Variants in STAP1 observed in about 807,000 individuals in gnomAD.
STAP1 encodes signal transducing adaptor family member 1, also known as signal-transducing adaptor protein 1.
STAP1 carries 30 observed loss-of-function variants against 37.8 expected under a neutral mutation model. The observed-to-expected ratio is 0.79, with a 90% CI of 0.59 to 1.08. STAP1 has a LOEUF of 1.08. STAP1 is among the 50% of genes least tolerant of loss of function. The pLI, the probability that STAP1 is intolerant of heterozygous loss-of-function variation, is 0.00. For synonymous variants in STAP1, 130 were observed against 116.0 expected (o/e 1.12, Z -0.78); for missense variants, 357 against 349.4 (o/e 1.02, Z -0.17).
intron 3 of STAP1, among the ~76,000 whole-genome samples, chr4:67,576,067 T>A (rs998437728): frequency 6.6e-6 from 1 of 152,194 alleles, no homozygotes; most frequent in African/African-American, 2.4e-5. Context: ...TGGGCTGTTT[T>A]ATTAGTTATT....
chr4:67,575,075 C>T (rs1372377510), intron 2 of STAP1, among the ~76,000 whole-genome samples: 2 of 151,940 alleles, frequency 1.3e-5, no homozygotes, highest in South Asian at 2.1e-4. Flanking sequence ...GTTTTAATTA[C>T]CTTTGCTTTG....
intron 8 of STAP1, among the ~76,000 whole-genome samples, chr4:67,595,869 A>G (rs1462977677): frequency 6.6e-6 from 1 of 152,242 alleles, no homozygotes; most frequent in Non-Finnish European, 1.5e-5. Flanking sequence ...AAGAACTGAC[A>G]TCATAATATT....
chr4:67,578,670 C>A (rs1478280783), intron 4 of STAP1, among the ~76,000 whole-genome samples: 3 of 152,046 alleles, frequency 2.0e-5, no homozygotes, highest in African/African-American at 7.2e-5. Context: ...AAAACTCTGG[C>A]AAAAACTTTT....
chr4:67,560,252 A>T (rs538870652), intron 1 of STAP1, among the ~76,000 whole-genome samples: 1 of 152,304 alleles, frequency 6.6e-6, no homozygotes, highest in South Asian at 2.1e-4. Flanking sequence ...TGGTTTTGCC[A>T]CTTATAGCTT....
intron 6 of STAP1, among the ~76,000 whole-genome samples, chr4:67,587,646 T>A (rs1728013260): frequency 6.6e-6 from 1 of 151,994 alleles, no homozygotes; most frequent in Non-Finnish European, 1.5e-5. Flanking sequence ...CTTTATTTCT[T>A]TGCAAAAATG....
At chr4:67,560,637 T>TGTGGGGGG (rs761876685) in intron 1 of STAP1, among the ~76,000 whole-genome samples, 197 of 62,724 alleles carry the variant, frequency 3.1e-3, no homozygotes, top group East Asian at 0.014. Context: ...TATCTTTGTG[T>TGTGGGGGG]GTGTGGGTGT....
At chr4:67,603,185 G>A (rs188729508) in intron 8 of STAP1, among the ~76,000 whole-genome samples, 36 of 152,204 alleles carry the variant, frequency 2.4e-4, no homozygotes, top group East Asian at 3.9e-4. Flanking sequence ...AGTACTGCCC[G>A]GCTACCACTG....
chr4:67,606,534 A>C lies in STAP1; in HGVS notation c.*177A>C. ...CAATTTCATTATCTTATCAGAATGA[A>C]ACCAATTCACAGGGAAACTAGAGAC... is the stretch of plus-strand genomic sequence containing the variant. On this transcript the variant is annotated 3_prime_UTR_variant, in exon 9 of 9. Transcript: ENST00000265404. The C allele has an allele frequency of 1.7e-6, 1 of 576,720 alleles. No individual in the cohort carries two copies. The highest frequency in any genetic ancestry group is 2.9e-6 in the Non-Finnish European group (1 of 341,798). 35.7% of individuals were successfully genotyped at this position (576,720 alleles called of 1,614,324 possible). A position where few individuals can be genotyped will look rare whatever the true frequency, so the allele number is the denominator to read the frequency against.
At chr4:67,589,413 A>G (rs1221317156) in intron 6 of STAP1, among the ~76,000 whole-genome samples, 1 of 152,136 alleles carries the variant, frequency 6.6e-6, no homozygotes, top group African/African-American at 2.4e-5. Flanking sequence ...TCCAATTGAG[A>G]GGTGATTTGG....
intron 4 of STAP1, among the ~76,000 whole-genome samples, chr4:67,579,349 C>A (rs983592177): frequency 2.6e-5 from 4 of 152,134 alleles, no homozygotes. Context: ...ATCAAATAAA[C>A]CCCAGTTTGG....
At chr4:67,567,119 G>A (rs565119168) in intron 1 of STAP1, among the ~76,000 whole-genome samples, 1 of 152,162 alleles carries the variant, frequency 6.6e-6, no homozygotes, top group Non-Finnish European at 1.5e-5. Flanking sequence ...TTTGGATGGG[G>A]TTGAAATTAA....
chr4:67,560,901 G>A (rs1191408028), intron 1 of STAP1, among the ~76,000 whole-genome samples: 2 of 150,460 alleles, frequency 1.3e-5, no homozygotes, highest in South Asian at 2.1e-4. Context: ...TGCCCACCTT[G>A]GCCTCCCAAT....
chr4:67,579,847 A>G (rs1560460776), intron 4 of STAP1, among the ~76,000 whole-genome samples: 1 of 152,074 alleles, frequency 6.6e-6, no homozygotes, highest in Non-Finnish European at 1.5e-5. Flanking sequence ...CTATGTCACC[A>G]TTTGTAAATT....
At chr4:67,566,018 T>C (rs1244603755) in intron 1 of STAP1, among the ~76,000 whole-genome samples, 3 of 143,970 alleles carry the variant, frequency 2.1e-5, no homozygotes, top group Non-Finnish European at 4.5e-5. Flanking sequence ...GCGCGATCTC[T>C]GCTCACTGCA....
At chr4:67,566,195 G>A (rs1224187556) in intron 1 of STAP1, among the ~76,000 whole-genome samples, 3 of 151,948 alleles carry the variant, frequency 2.0e-5, no homozygotes, top group East Asian at 3.9e-4. Context: ...TGATCTTCCC[G>A]CCTCGGCCTC....
At chr4:67,572,390 G>T (rs1727624120) in intron 2 of STAP1, among the ~76,000 whole-genome samples, 1 of 152,074 alleles carries the variant, frequency 6.6e-6, no homozygotes, top group Non-Finnish European at 1.5e-5. Flanking sequence ...AGTGTGAATT[G>T]TATGGAGATG....
chr4:67,566,326 C>T (rs1408842002), intron 1 of STAP1, among the ~76,000 whole-genome samples: 1 of 152,110 alleles, frequency 6.6e-6, no homozygotes, highest in Non-Finnish European at 1.5e-5. Flanking sequence ...CAGCCAGACA[C>T]AGAAATCACA....
chr4:67,597,060 T>C (rs1194113247), intron 8 of STAP1, among the ~76,000 whole-genome samples: 3 of 152,192 alleles, frequency 2.0e-5, no homozygotes, highest in Non-Finnish European at 4.4e-5. Flanking sequence ...GCAGCCCCTT[T>C]TATCACAGGC....
chr4:67,567,372 G>A (rs1578021694), intron 1 of STAP1, among the ~76,000 whole-genome samples: 1 of 152,010 alleles, frequency 6.6e-6, no homozygotes, highest in African/African-American at 2.4e-5. Flanking sequence ...CTCAACTGGG[G>A]GGAGGATAGA....
Sources: allele counts gnomAD v4.1 joint callset (sites outside exome capture counted in the v4.1 genomes callset), GRCh38; gene constraint gnomAD v4.1.1; transcripts MANE v1.5; gene names NCBI Gene and HGNC (gene_info 2026-07-23, HGNC 2026-07-21).